ATP8B4: variants seen among roughly 807,000 people sequenced by gnomAD.
ATP8B4 encodes ATPase phospholipid transporting 8B4 (putative), also known as probable phospholipid-transporting ATPase IM.
In ATP8B4, 133 loss-of-function variants were observed where a neutral mutation model predicts 145.6. That is an observed-to-expected ratio of 0.91 (90% CI 0.79 to 1.05). The LOEUF (loss-of-function observed/expected upper bound fraction) is 1.05. Among genes scored for constraint, ATP8B4 ranks in the 50% least tolerant of loss-of-function variants. The probability of loss-of-function intolerance (pLI) is 0.00; values close to 1 mark genes in which losing one functional copy is unlikely to be tolerated. For missense variants in ATP8B4, 1,458 were observed against 1,425.2 expected (o/e 1.02, Z -0.37); for synonymous variants, 507 against 492.9 (o/e 1.03, Z -0.38).
At chr15:50,179,420 TGTACAA>T (rs1460179079) in intron 1 of ATP8B4, among the ~76,000 whole-genome samples, 1 of 152,192 alleles carries the variant, frequency 6.6e-6, no homozygotes, top group Non-Finnish European at 1.5e-5. Flanking sequence ...TCTAGTATGC[TGTACAA>T]GTACAACTGT....
chr15:49,974,187 A>G (rs971271877), intron 12 of ATP8B4, among the ~76,000 whole-genome samples: 12 of 151,262 alleles, frequency 7.9e-5, no homozygotes, highest in African/African-American at 2.7e-4. Flanking sequence ...GGTTCAAGCA[A>G]TTCTCCTGCC....
At chr15:50,046,742 A>G (rs2051755511) in intron 4 of ATP8B4, among the ~76,000 whole-genome samples, 1 of 152,200 alleles carries the variant, frequency 6.6e-6, no homozygotes, top group Non-Finnish European at 1.5e-5. Context: ...TACAGTATAT[A>G]TGTAGCTTCC....
At chr15:50,031,039 C>T (rs150233112) in intron 6 of ATP8B4, among the ~76,000 whole-genome samples, 14 of 152,282 alleles carry the variant, frequency 9.2e-5, no homozygotes, top group Admixed American at 3.9e-4. Context: ...CAATCCAAGA[C>T]TTAAGAAGCT....
intron 15 of ATP8B4, among the ~76,000 whole-genome samples, chr15:49,932,753 C>CCAGT (rs553002711): frequency 5.9e-4 from 90 of 152,014 alleles, no homozygotes; most frequent in African/African-American, 2.1e-3. Context: ...AAGCCATAGC[C>CCAGT]CAGTACCTGT....
intron 16 of ATP8B4, among the ~76,000 whole-genome samples, chr15:49,926,395 G>A (rs1175151262): frequency 6.6e-6 from 1 of 152,014 alleles, no homozygotes; most frequent in Admixed American, 6.6e-5. Flanking sequence ...GATTTCTCTT[G>A]CCACTTCTCT....
intron 20 of ATP8B4, among the ~76,000 whole-genome samples, chr15:49,909,231 C>A (rs1277572746): frequency 6.6e-6 from 1 of 152,108 alleles, no homozygotes; most frequent in Non-Finnish European, 1.5e-5. Flanking sequence ...GCTCCATCCA[C>A]CATCATGACC....
intron 23 of ATP8B4, among the ~76,000 whole-genome samples, chr15:49,891,537 G>GCTGGTCTCAAACTCCTGAC (rs1427940972): frequency 6.6e-6 from 1 of 152,056 alleles, no homozygotes; most frequent in Non-Finnish European, 1.5e-5. Context: ...CGTTGGCCAG[G>GCTGGTCTCAAACTCCTGAC]CTGGTCTCAA....
At chr15:50,123,665 C>T (rs529755103), upstream of ATP8B4, among the ~76,000 whole-genome samples, 1 of 152,228 alleles carries the variant, frequency 6.6e-6, no homozygotes, top group African/African-American at 2.4e-5. Context: ...CTCCTGTCTC[C>T]CATACAGCTG....
intron 2 of ATP8B4, among the ~76,000 whole-genome samples, chr15:50,100,402 TA>T (rs2056280814): frequency 6.6e-6 from 1 of 152,236 alleles, no homozygotes; most frequent in South Asian, 2.1e-4. Flanking sequence ...TGATGTTTAA[TA>T]AACTATTTTA....
intron 2 of ATP8B4, among the ~76,000 whole-genome samples, chr15:50,077,760 G>A (rs187601876): frequency 3.9e-5 from 6 of 152,268 alleles, no homozygotes; most frequent in Middle Eastern, 3.4e-3. Context: ...CAGACAACAC[G>A]TCAGGGAAGG....
At chr15:49,882,631 C>T (rs1254586427) in intron 23 of ATP8B4, among the ~76,000 whole-genome samples, 2 of 152,102 alleles carry the variant, frequency 1.3e-5, no homozygotes, top group East Asian at 3.8e-4. Flanking sequence ...AAGCCAGATG[C>T]AAAGGCATAA....
chr15:50,093,845 C>T (rs1250067189), intron 2 of ATP8B4, among the ~76,000 whole-genome samples: 1 of 152,076 alleles, frequency 6.6e-6, no homozygotes, highest in African/African-American at 2.4e-5. Context: ...TTATCATACT[C>T]ATATCAGATA....
At chr15:49,934,893 G>C (rs1285639509) in intron 14 of ATP8B4, among the ~76,000 whole-genome samples, 1 of 151,996 alleles carries the variant, frequency 6.6e-6, no homozygotes, top group East Asian at 1.9e-4. Flanking sequence ...CAGGATTATT[G>C]CTAAAGTTTT....
At chr15:50,085,225 A>T (rs2054820285) in intron 2 of ATP8B4, among the ~76,000 whole-genome samples, 1 of 152,166 alleles carries the variant, frequency 6.6e-6, no homozygotes, top group Non-Finnish European at 1.5e-5. Context: ...TGCACAGTTC[A>T]TCCCAAGGAG....
intron 1 of ATP8B4, among the ~76,000 whole-genome samples, chr15:50,132,238 A>G (rs183736293): frequency 3.3e-5 from 5 of 152,320 alleles, no homozygotes; most frequent in Admixed American, 3.3e-4. Flanking sequence ...CTAAGCTTGC[A>G]TTGGTAATAT....
intron 16 of ATP8B4, among the ~76,000 whole-genome samples, chr15:49,926,629 A>C (rs1387041889): frequency 6.6e-6 from 1 of 152,174 alleles, no homozygotes; most frequent in Non-Finnish European, 1.5e-5. Context: ...TCTTGGAGGC[A>C]GCCACATAGA....
intron 24 of ATP8B4, among the ~76,000 whole-genome samples, chr15:49,877,684 G>T (rs1361557110): frequency 6.6e-6 from 1 of 151,982 alleles, no homozygotes; most frequent in Non-Finnish European, 1.5e-5. Context: ...TACTTAATCC[G>T]CCTGAGCCTT....
intron 1 of ATP8B4, among the ~76,000 whole-genome samples, chr15:50,136,113 T>A (rs558097362): frequency 2.6e-5 from 4 of 152,274 alleles, no homozygotes; most frequent in African/African-American, 9.6e-5. Context: ...GCATGCCCAT[T>A]CCATCCCAGA....
intron 13 of ATP8B4, among the ~76,000 whole-genome samples, chr15:49,968,991 C>G (rs2044820235): frequency 6.6e-6 from 1 of 152,192 alleles, no homozygotes; most frequent in African/African-American, 2.4e-5. Flanking sequence ...CACACAACTA[C>G]ATGGAAACTG....
Sources: allele counts gnomAD v4.1 joint callset (sites outside exome capture counted in the v4.1 genomes callset), GRCh38; gene constraint gnomAD v4.1.1; transcripts MANE v1.5; gene names NCBI Gene and HGNC (gene_info 2026-07-23, HGNC 2026-07-21).